Variants in DCAF10 observed in about 807,000 individuals in gnomAD.
The protein encoded by DCAF10 is DDB1 and CUL4 associated factor 10.
DCAF10 carries 19 observed loss-of-function variants against 51.9 expected under a neutral mutation model. The observed-to-expected ratio is 0.37, with a 90% CI of 0.26 to 0.54. DCAF10 has a LOEUF of 0.54. Among genes scored for constraint, DCAF10 ranks in the 20% least tolerant of loss-of-function variants. DCAF10 has a pLI of 0.87. For missense variants in DCAF10, 510 were observed against 730.6 expected, an observed-to-expected ratio of 0.70 and a Z score of 3.48; for synonymous variants, 291 against 297.1, an observed-to-expected ratio of 0.98 and a Z score of 0.21.
At position 37,861,103 on chromosome 9, in the gene DCAF10, T is replaced by A. The variant is rs750070041; in HGVS notation, c.1312-37T>A. 6.4e-7 allele frequency: 1 copy of A among 1,571,996 alleles called. No individual in the cohort carries two copies. The highest frequency in any genetic ancestry group is 8.7e-7 in the Non-Finnish European group (1 of 1,154,508). ...GGAATATCTGTAGCACTATTTGGGC[T>A]CTGTAACCTTGGTTTGTCTCCCTTC... is the stretch of plus-strand genomic sequence containing the variant. On this transcript the variant is annotated intron_variant, in intron 6 of 6. Coordinates refer to ENST00000377724, the MANE Select transcript of DCAF10 (RefSeq NM_024345.5). The surrounding 1 kb of genome is among the most constrained non-coding windows in gnomAD (Gnocchi z 4.9).
At chr9:37,834,823 A>G (rs1011522386) in intron 2 of DCAF10, among the ~76,000 whole-genome samples, 11 of 140,686 alleles carry the variant, frequency 7.8e-5, no homozygotes, top group African/African-American at 5.6e-5. Context: ...GGTTTCACTC[A>G]TGTCGCCCAG....
intron 1 of DCAF10, among the ~76,000 whole-genome samples, chr9:37,812,197 A>C (rs1489278229): frequency 6.7e-6 from 1 of 148,732 alleles, no homozygotes; most frequent in Non-Finnish European, 1.5e-5. Context: ...CTTCAAAAAC[A>C]AAAAAAAAAC....
Position 37,801,143 on chromosome 9 carries a change from C to A in DCAF10, c.277C>A (p.Pro93Thr). The A allele has an allele frequency of 6.5e-7, 1 of 1,537,846 alleles. No individual in the cohort carries two copies. The highest frequency in any genetic ancestry group is 8.7e-7 in the Non-Finnish European group (1 of 1,144,284). The change falls in exon 1 of 7, where the codon CCT becomes ACT. Residue 93 changes from proline to threonine, a missense_variant. Coordinates refer to ENST00000377724, the MANE Select transcript of DCAF10 (RefSeq NM_024345.5). The surrounding 1 kb of genome is among the most constrained non-coding windows in gnomAD (Gnocchi z 5.5). ...CCCGGGAGAGCCGTCACCTCCCTCC[C>A]CTCCGTGCCGGCGGCCCGGGCCAGA... ...SAPGEPSPPS[P>T]PCRRPGPDCR...
At chr9:37,860,254 G>T in intron 6 of DCAF10, 61 bp downstream of exon 6, 1 of 1,605,498 alleles carries the variant, frequency 6.2e-7, no homozygotes, top group Non-Finnish European at 8.5e-7. Context: ...ATTGCCGTGT[G>T]TGCAGAGCTT....
chr9:37,854,907 G>T lies in DCAF10; in HGVS notation c.979G>T (p.Asp327Tyr). 6.2e-7 allele frequency: 1 copy of T among 1,613,988 alleles called. No homozygotes were observed. Among genetic ancestry groups the T allele is most frequent in the Non-Finnish European group, 8.5e-7 (1 of 1,179,982 alleles). ...CTCTGGATATCTCTTAATTTTGCAT[G>T]ACCTTGACTTAACTAAGTCTTTAGA... is the stretch of plus-strand genomic sequence containing the variant. ...TSSGYLLILH[D>Y]LDLTKSLEVG... is the part of the protein sequence containing the mutation. Residue 327 changes from aspartate to tyrosine, a missense_variant, in exon 4 of 7, where the codon GAC becomes TAC. Asp to Tyr is a radical substitution (Grantham distance 160). Around this residue, in one of 4 missense-constraint regions of DCAF10, gnomAD observed 126 missense variants for 271.5 expected, o/e 0.46. Coordinates refer to ENST00000377724, the MANE Select transcript of DCAF10 (RefSeq NM_024345.5).
rs140809322 is a variant in DCAF10, at chr9:37,852,864, T to C, written c.852-1916T>C. Among the ~76,000 whole-genome samples, 307 of 150,624 alleles carry C rather than the reference T, an allele frequency of 2.0e-3. 3 individuals carry two copies. In the East Asian group the frequency reaches 0.024, roughly 12 times the overall value. Reference sequence around the variant, plus strand: ...TAATGACAATTTACTGTTGTTATTATATATAATTGAAATTTGTTAAAAGTA... The same window carrying C: ...TAATGACAATTTACTGTTGTTATTACATATAATTGAAATTTGTTAAAAGTA... On this transcript the variant is annotated intron_variant, in intron 3 of 6. Transcript: ENST00000377724.
chr9:37,851,920 A>G (rs992371028), intron 3 of DCAF10, among the ~76,000 whole-genome samples: 8 of 152,108 alleles, frequency 5.3e-5, no homozygotes, highest in African/African-American at 1.9e-4. Flanking sequence ...AAGGAGAGTC[A>G]AACATGAATG....
At chr9:37,850,826 TTATA>T (rs71494679) in intron 3 of DCAF10, among the ~76,000 whole-genome samples, 799 of 44,744 alleles carry the variant, frequency 0.018, 4 homozygotes, top group Admixed American at 0.033. Context: ...AGGATATATT[TTATA>T]TATATATATA....
At chr9:37,819,480 T>C in intron 2 of DCAF10, 79 bp downstream of exon 2, 2 of 1,006,334 alleles carry the variant, frequency 2.0e-6, no homozygotes, top group Non-Finnish European at 3.0e-6. Context: ...AAAATGAAAA[T>C]GTTTAATGCC....
Position 37,800,947 on chromosome 9 carries a change from G to A in DCAF10, c.81G>A (p.Gly27=), listed in dbSNP as rs1224869455. 39 of 1,500,182 alleles carry A rather than the reference G, an allele frequency of 2.6e-5. No individual in the cohort carries two copies. Among genetic ancestry groups the A allele is most frequent in the Non-Finnish European group, 3.4e-5 (38 of 1,131,844 alleles). 92.9% of individuals were successfully genotyped at this position (1,500,182 alleles called of 1,614,324 possible). The change falls in exon 1 of 7, where the codon GGG becomes GGA. Residue 27 remains glycine, a synonymous_variant. Transcript: ENST00000377724. ...CTGAGGAGCCGACGCCCCACGAGGG[G>A]CAGGCAGCAGCCACCGGGCCGCCCT... ...AGAEEPTPHE[G]QAAATGPPSP... is the part of the protein sequence containing the mutation.
Position 37,811,539 on chromosome 9 carries a change from A to G in DCAF10, c.540-7749A>G, listed in dbSNP as rs1219439706. Among the ~76,000 whole-genome samples, 3 of 152,164 alleles carry G rather than the reference A, an allele frequency of 2.0e-5. No homozygotes were observed. The East Asian group carries it at 5.8e-4, about 29-fold the overall frequency. On this transcript the variant is annotated intron_variant, in intron 1 of 6. Coordinates refer to ENST00000377724, the MANE Select transcript of DCAF10 (RefSeq NM_024345.5). ...GAATTATAAGATGGAGAAATTTAGCAGAGAACTAGAAGCTAAAAAAAGAAA... is the reference window on the plus strand; with the variant it reads ...GAATTATAAGATGGAGAAATTTAGCGGAGAACTAGAAGCTAAAAAAAGAAA...
chr9:37,825,144 G>A (rs932727474), intron 2 of DCAF10, among the ~76,000 whole-genome samples: 2 of 152,198 alleles, frequency 1.3e-5, no homozygotes, highest in African/African-American at 2.4e-5. Context: ...CTGTTGGTGA[G>A]AGTGTAAATT....
At chr9:37,823,617 CAAAAT>C (rs1392623024) in intron 2 of DCAF10, among the ~76,000 whole-genome samples, 2 of 151,170 alleles carry the variant, frequency 1.3e-5, no homozygotes, top group East Asian at 1.9e-4. Flanking sequence ...ACATGTAAAA[CAAAAT>C]AAAAACTAAA....
At chr9:37,818,450 GA>G (rs1449257116) in intron 1 of DCAF10, among the ~76,000 whole-genome samples, 1 of 151,984 alleles carries the variant, frequency 6.6e-6, no homozygotes, top group Non-Finnish European at 1.5e-5. Flanking sequence ...AAATGAATCT[GA>G]AAGAGCAGGG....
rs1831122910 is a variant in DCAF10 at position 37,865,676 on chromosome 9, T to C, written c.*4168T>C. The C allele has an allele frequency of 6.6e-6, 1 of 152,176 alleles. No homozygotes were observed. The highest frequency in any genetic ancestry group is 6.5e-5 in the Admixed American group (1 of 15,272). 9.4% of individuals were successfully genotyped at this position (152,176 alleles called of 1,614,324 possible). On this transcript the variant is annotated 3_prime_UTR_variant, in exon 7 of 7. Coordinates refer to ENST00000377724, the MANE Select transcript of DCAF10 (RefSeq NM_024345.5). Reference sequence around the variant, plus strand: ...TATAGTAGTTCCTTATTTTCAGTTGTGAAAATGAAATGGCTAAAGCAGAAG... The same window carrying C: ...TATAGTAGTTCCTTATTTTCAGTTGCGAAAATGAAATGGCTAAAGCAGAAG...
Position 37,861,429 on chromosome 9 carries a change from C to A in DCAF10, c.1601C>A (p.Thr534Lys), listed in dbSNP as rs1191068978. 6.2e-7 allele frequency: 1 copy of A among 1,614,184 alleles called. No homozygotes were observed. The highest frequency in any genetic ancestry group is 2.2e-5 in the East Asian group (1 of 44,886). The stretch of plus-strand genomic sequence containing the variant: ...TCTCATAATGATGTGGTACTGACAA[C>A]AAAGTTCTCTCCAACACATTGTCAG... ...LYSHNDVVLT[T>K]KFSPTHCQIA... The change falls in exon 7 of 7, where the codon ACA becomes AAA. Residue 534 changes from threonine (T) to lysine (K), a missense_variant. Physicochemically the swap from Thr to Lys is moderately conservative, Grantham distance 78. Around this residue, in one of 4 missense-constraint regions of DCAF10, gnomAD observed 104 missense variants for 206.2 expected, o/e 0.50. Transcript: ENST00000377724. This position sits in a 1 kb window ranked among gnomAD's most constrained non-coding sequence, Gnocchi z 4.9.
At chr9:37,808,130 T>C (rs1829179213) in intron 1 of DCAF10, among the ~76,000 whole-genome samples, 1 of 152,160 alleles carries the variant, frequency 6.6e-6, no homozygotes, top group East Asian at 1.9e-4. Context: ...ATGTGATCAC[T>C]AGAAGTAAAT....
rs1830999266 is a variant in DCAF10, at chr9:37,861,058, G to A, written c.1312-82G>A. The A allele has an allele frequency of 6.7e-7, 1 of 1,495,706 alleles. No homozygotes were observed. The highest frequency in any genetic ancestry group is 8.9e-7 in the Non-Finnish European group (1 of 1,124,662). The allele number at this position is 1,495,706 out of a possible 1,614,324, so 92.7% of individuals were successfully genotyped here. On this transcript the variant is annotated intron_variant, in intron 6 of 6. Coordinates refer to ENST00000377724, the MANE Select transcript of DCAF10 (RefSeq NM_024345.5). This position sits in a 1 kb window ranked among gnomAD's most constrained non-coding sequence, Gnocchi z 4.9. ...AAAAATTCTGTGGCTTTGGCAATCT[G>A]TTGAGCTTTTTAAAAATAAGGAATA...
intron 1 of DCAF10, among the ~76,000 whole-genome samples, chr9:37,805,177 A>C (rs931790489): frequency 6.6e-6 from 1 of 152,186 alleles, no homozygotes; most frequent in African/African-American, 2.4e-5. Flanking sequence ...GAAGACAATA[A>C]TAGCATATAA....
Sources: allele counts gnomAD v4.1 joint callset (sites outside exome capture counted in the v4.1 genomes callset), GRCh38; gene constraint gnomAD v4.1.1; regional missense constraint gnomAD v4.1.1; non-coding constraint Gnocchi (gnomAD v3.1); transcripts MANE v1.5; gene names NCBI Gene and HGNC (gene_info 2026-07-23, HGNC 2026-07-21).